The following TBCD variants were observed in gnomAD, a reference collection of about 807,000 sequenced individuals.
The protein encoded by TBCD is tubulin folding cofactor D, also known as tubulin-specific chaperone D.
A neutral mutation model predicts 169.3 loss-of-function variants in TBCD; 105 were observed. The observed-to-expected ratio is 0.62, with a 90% CI of 0.53 to 0.73. TBCD has a LOEUF of 0.73. Among genes scored for constraint, TBCD ranks in the 30% least tolerant of loss-of-function variants. The probability of loss-of-function intolerance (pLI) is 0.00; values close to 1 mark genes in which losing one functional copy is unlikely to be tolerated. For missense variants in TBCD, 1,444 were observed against 1,600.1 expected (o/e 0.90, Z 1.66); for synonymous variants, 700 against 643.9 (o/e 1.09, Z -1.32).
At position 82,890,144 on chromosome 17, in the gene TBCD, A is replaced by G. The variant is rs1056535115; in HGVS notation, c.1563+447A>G. ...CCCCATGACCCCACGACCCCACATC[A>G]TGCTGGGGCTGCTTTTGCTGTGCCC... is the stretch of plus-strand genomic sequence containing the variant. On this transcript the variant is annotated intron_variant, in intron 16 of 38. Coordinates refer to ENST00000355528, the MANE Select transcript of TBCD (RefSeq NM_005993.5). This position sits in a 1 kb window ranked among gnomAD's most constrained non-coding sequence, Gnocchi z 5.3. Among the ~76,000 whole-genome samples the G allele has an allele frequency of 1.3e-5, 2 of 152,170 alleles. No homozygotes were observed. The highest frequency in any genetic ancestry group is 6.5e-5 in the Admixed American group (1 of 15,280).
intron 21 of TBCD, among the ~76,000 whole-genome samples, chr17:82,908,899 C>T (rs1325304275): frequency 6.6e-6 from 1 of 152,246 alleles, no homozygotes; most frequent in Non-Finnish European, 1.5e-5. Context: ...GCCATCACAA[C>T]GTGGCTTTTA....
At chr17:82,756,063 G>A in intron 1 of TBCD, 102 bp from the exon 2 acceptor site, 1 of 1,021,930 alleles carries the variant, frequency 9.8e-7, no homozygotes, top group South Asian at 1.4e-5. Context: ...GGGAAGAGGT[G>A]GAGCTGCCCT....
At chr17:82,763,195 C>T (rs1262633186) in intron 2 of TBCD, among the ~76,000 whole-genome samples, 1 of 152,110 alleles carries the variant, frequency 6.6e-6, no homozygotes, top group Non-Finnish European at 1.5e-5. Context: ...TTCTTCTGTG[C>T]TTATTTTGAA....
intron 34 of TBCD, among the ~76,000 whole-genome samples, chr17:82,937,024 C>T (rs758833154): frequency 1.3e-5 from 2 of 152,170 alleles, no homozygotes; most frequent in Non-Finnish European, 2.9e-5. Flanking sequence ...GGCTGCTGCA[C>T]CACAGGCAAG....
At chr17:82,882,667 C>T (rs1004723965) in intron 14 of TBCD, among the ~76,000 whole-genome samples, 8 of 151,330 alleles carry the variant, frequency 5.3e-5, no homozygotes, top group Non-Finnish European at 8.8e-5. Flanking sequence ...AAAACAGGCT[C>T]GAGATGCTGT....
chr17:82,870,301 G>A lies in TBCD; in HGVS notation c.1396G>A (p.Ala466Thr). 6.2e-7 allele frequency: 1 copy of A among 1,613,492 alleles called. No homozygotes were observed. Among genetic ancestry groups the A allele is most frequent in the Non-Finnish European group, 8.5e-7 (1 of 1,179,874 alleles). The change falls in exon 14 of 39, where the codon GCC becomes ACC. Residue 466 changes from alanine (A) to threonine (T), a missense_variant. Ala to Thr is a moderately conservative substitution (Grantham distance 58). Coordinates refer to ENST00000355528, the MANE Select transcript of TBCD (RefSeq NM_005993.5). ...CAGCGTGGGCACCAACGTCAGGGAC[G>A]CCGCCTGCTACGTGTGCTGGGCCTT... ...ACSVGTNVRD[A>T]ACYVCWAFAR...
Position 82,930,263 on chromosome 17 carries a change from C to A in TBCD, c.2992-259C>A. ...CCCAAGGTGAGTGGCCGCAGCCTTT[C>A]GTCACGTGCTCTCCCGCATGTCCTA... On this transcript the variant is annotated intron_variant, in intron 32 of 38. Coordinates refer to ENST00000355528, the MANE Select transcript of TBCD (RefSeq NM_005993.5). This position sits in a 1 kb window ranked among gnomAD's most constrained non-coding sequence, Gnocchi z 5.2. The A allele has an allele frequency of 2.0e-6, 1 of 494,658 alleles. No individual in the cohort carries two copies. The highest frequency in any genetic ancestry group is 3.6e-6 in the Non-Finnish European group (1 of 279,274). The allele number at this position is 494,658 out of a possible 1,614,324, so 30.6% of individuals were successfully genotyped here. A position where few individuals can be genotyped will look rare whatever the true frequency, so the allele number is the denominator to read the frequency against.
chr17:82,929,862 T>C, intron 32 of TBCD: 1 of 406,904 alleles, frequency 2.5e-6, no homozygotes, highest in South Asian at 2.2e-5. Flanking sequence ...CCCTCCACTT[T>C]CAGGGCTCCA....
At chr17:82,941,811 C>T (rs570030891) in intron 38 of TBCD, 5 of 376,308 alleles carry the variant, frequency 1.3e-5, no homozygotes, top group East Asian at 5.0e-5. Context: ...TGCCACCCTA[C>T]CCCTCCTCAT....
intron 9 of TBCD, among the ~76,000 whole-genome samples, chr17:82,805,097 TTG>T (rs1307356065): frequency 6.6e-6 from 1 of 152,270 alleles, no homozygotes; most frequent in African/African-American, 2.4e-5. Context: ...GCACTCACCC[TTG>T]GCAGGAGCAG....
chr17:82,761,296 ATAT>A (rs1380937486), intron 2 of TBCD, among the ~76,000 whole-genome samples: 2 of 152,108 alleles, frequency 1.3e-5, no homozygotes, highest in Non-Finnish European at 2.9e-5. Flanking sequence ...TAGCAGGTAA[ATAT>A]TATATGGTTT....
At chr17:82,924,831 TC>T (rs2061621809) in intron 26 of TBCD, 107 bp from the exon 27 acceptor site, 2 of 836,350 alleles carry the variant, frequency 2.4e-6, no homozygotes, top group Non-Finnish European at 3.7e-6. Flanking sequence ...CTCAGGCGGC[TC>T]CTCCTTTGTT....
chr17:82,778,015 G>A (rs545019564), intron 6 of TBCD, among the ~76,000 whole-genome samples: 1 of 152,198 alleles, frequency 6.6e-6, no homozygotes, highest in Non-Finnish European at 1.5e-5. Flanking sequence ...CAGAAGGCTC[G>A]CACTCTTGTC....
chr17:82,905,940 C>G lies in TBCD; in HGVS notation c.1809C>G (p.Phe603Leu), dbSNP rs745415406. ...TCTCGGCCCTGTCTCTTGCAGTCTT[C>G]CCGAGGCTGCTGTCCATGACACTGA... ...QAPEFSATQVFPRLLSMTLSP... is the reference protein window; with the variant it reads ...QAPEFSATQVLPRLLSMTLSP... The change falls in exon 20 of 39, where the codon TTC becomes TTG. Residue 603 changes from phenylalanine (F) to leucine (L), a missense_variant. By Grantham distance (22) the Phe-to-Leu change is conservative. Transcript: ENST00000355528. 3 of 1,610,744 alleles carry G rather than the reference C, an allele frequency of 1.9e-6. No individual in the cohort carries two copies. The highest frequency in any genetic ancestry group is 2.5e-6 in the Non-Finnish European group (3 of 1,178,322).
chr17:82,848,011 G>T, intron 13 of TBCD, among the ~76,000 whole-genome samples: 1 of 152,184 alleles, frequency 6.6e-6, no homozygotes, highest in East Asian at 1.9e-4. Context: ...CCTGTCTGTT[G>T]CCCCTTTTTC....
At chr17:82,829,122 C>G (rs537783351) in intron 13 of TBCD, among the ~76,000 whole-genome samples, 13 of 151,476 alleles carry the variant, frequency 8.6e-5, no homozygotes, top group African/African-American at 2.9e-4. Context: ...CAGATATGCA[C>G]ACGTGCACAC....
Position 82,942,469 on chromosome 17 carries a change from G to A in TBCD, c.*6G>A. 2 of 1,614,008 alleles carry A rather than the reference G, an allele frequency of 1.2e-6. No homozygotes were observed. The highest frequency in any genetic ancestry group is 1.7e-6 in the Non-Finnish European group (2 of 1,179,892). ...TTCAGCCTGGTGCCTGCTGAAGCCA[G>A]TCCTGGAGCCCATACCTCACCCCTG... On this transcript the variant is annotated 3_prime_UTR_variant, in exon 39 of 39. Coordinates refer to ENST00000355528, the MANE Select transcript of TBCD (RefSeq NM_005993.5).
At chr17:82,863,162 G>A (rs1304347389) in intron 13 of TBCD, among the ~76,000 whole-genome samples, 1 of 152,202 alleles carries the variant, frequency 6.6e-6, no homozygotes, top group Non-Finnish European at 1.5e-5. Flanking sequence ...CCATGTGCTG[G>A]CCCCACCGTC....
In TBCD at chr17:82,929,165, C is replaced by T. The variant is rs761578299; in HGVS notation, c.2746C>T (p.Arg916Cys). The change falls in exon 31 of 39, where the codon CGT becomes TGT. Residue 916 changes from arginine to cysteine, a missense_variant. Coordinates refer to ENST00000355528, the MANE Select transcript of TBCD (RefSeq NM_005993.5). The stretch of plus-strand genomic sequence containing the variant: ...CCAGCAGGCCAGTGAGAAGATTGAC[C>T]GTTTCCGTGCTCACGCCGCCAGCGT... ...VAQQASEKID[R>C]FRAHAASVFL... 2.0e-5 allele frequency: 33 copies of T among 1,613,386 alleles called. No homozygotes were observed. The highest frequency in any genetic ancestry group is 2.5e-5 in the Non-Finnish European group (29 of 1,179,882).
Sources: allele counts gnomAD v4.1 joint callset (sites outside exome capture counted in the v4.1 genomes callset), GRCh38; gene constraint gnomAD v4.1.1; non-coding constraint Gnocchi (gnomAD v3.1); transcripts MANE v1.5; gene names NCBI Gene and HGNC (gene_info 2026-07-23, HGNC 2026-07-21).